Variants in LSAMP observed in about 807,000 individuals in gnomAD.
LSAMP encodes the protein limbic system-associated membrane protein.
LSAMP carries 7 observed loss-of-function variants against 38.6 expected under a neutral mutation model. The observed-to-expected ratio is 0.18, with a 90% CI of 0.10 to 0.34. The LOEUF is 0.34. Ranked by LOEUF, LSAMP falls within the 10% of genes least tolerant of loss-of-function variation. The probability of loss-of-function intolerance (pLI) is 1.00; values close to 1 mark genes in which losing one functional copy is unlikely to be tolerated. For synonymous variants in LSAMP, 154 were observed against 166.8 expected (o/e 0.92, Z 0.59); for missense variants, 313 against 420.0 (o/e 0.75, Z 2.23).
chr3:116,247,020 G>A (rs758123284), intron 1 of LSAMP, among the ~76,000 whole-genome samples: 5 of 152,070 alleles, frequency 3.3e-5, no homozygotes, highest in Non-Finnish European at 5.9e-5. Flanking sequence ...TAAAGACACG[G>A]TCAGGAGATG....
At chr3:115,894,840 T>C (rs1306899452) in intron 3 of LSAMP, among the ~76,000 whole-genome samples, 1 of 152,070 alleles carries the variant, frequency 6.6e-6, no homozygotes, top group African/African-American at 2.4e-5. Context: ...ACACATATTA[T>C]GCATATTACC....
chr3:116,265,390 T>C (rs564116033), intron 1 of LSAMP, among the ~76,000 whole-genome samples: 2 of 152,302 alleles, frequency 1.3e-5, no homozygotes, highest in East Asian at 3.9e-4. Flanking sequence ...TCATAGCAGA[T>C]TTACATCTAT....
At chr3:115,896,801 A>T (rs1936739876) in intron 3 of LSAMP, among the ~76,000 whole-genome samples, 1 of 152,130 alleles carries the variant, frequency 6.6e-6, no homozygotes, top group Non-Finnish European at 1.5e-5. Context: ...CCTCAGTGAA[A>T]GGACTTTCAA....
chr3:116,286,907 A>G (rs2047202603), intron 1 of LSAMP, among the ~76,000 whole-genome samples: 1 of 150,340 alleles, frequency 6.7e-6, no homozygotes, highest in Non-Finnish European at 1.5e-5. Flanking sequence ...AAAAAAAAAA[A>G]GGTAACTAGG....
chr3:116,068,873 GT>G (rs1347099453), intron 2 of LSAMP, among the ~76,000 whole-genome samples: 7 of 152,188 alleles, frequency 4.6e-5, no homozygotes, highest in Non-Finnish European at 7.3e-5. Flanking sequence ...GAAATAAGGT[GT>G]GTAATGAAAC....
At chr3:116,021,578 A>G (rs1019741978) in intron 2 of LSAMP, among the ~76,000 whole-genome samples, 41 of 152,212 alleles carry the variant, frequency 2.7e-4, no homozygotes, top group African/African-American at 9.7e-4. Context: ...AAAACCTATC[A>G]TAGAAAGCTA....
intron 3 of LSAMP, among the ~76,000 whole-genome samples, chr3:115,911,671 C>T (rs1937139343): frequency 6.6e-6 from 1 of 152,186 alleles, no homozygotes; most frequent in African/African-American, 2.4e-5. Flanking sequence ...GTGACCATAA[C>T]TCTCTCATTT....
At chr3:116,105,348 T>A (rs1299660611) in intron 1 of LSAMP, among the ~76,000 whole-genome samples, 1 of 152,168 alleles carries the variant, frequency 6.6e-6, no homozygotes, top group Admixed American at 6.5e-5. Context: ...GACTGCCAGA[T>A]ATGGTCACTT....
chr3:116,100,360 G>A (rs146765067), intron 1 of LSAMP, among the ~76,000 whole-genome samples: 5 of 152,128 alleles, frequency 3.3e-5, no homozygotes, highest in East Asian at 3.9e-4. Flanking sequence ...GATTACAAAC[G>A]TAAGCCACCA....
rs201229887 is a variant in LSAMP at position 116,263,537 on chromosome 3, CA to C, written c.156-176982del. On this transcript the variant is annotated intron_variant, in intron 1 of 6. Coordinates refer to ENST00000490035, the MANE Select transcript of LSAMP (RefSeq NM_002338.5). Reference sequence around the variant, plus strand: ...TGAGTGACAGAGTAAGACTTTGTCTCAAAAAAAAAAAAAAAAGATGAATATT... The same window carrying C: ...TGAGTGACAGAGTAAGACTTTGTCTCAAAAAAAAAAAAAAAGATGAATATT... Among the ~76,000 whole-genome samples, 647 of 111,904 alleles carry C rather than the reference CA, an allele frequency of 5.8e-3. 3 individuals are homozygous for C. Among genetic ancestry groups the C allele is most frequent in the African/African-American group, 6.5e-3 (197 of 30,346 alleles). The allele number at this position is 111,904 out of a possible 152,430, so 73.4% of individuals were successfully genotyped here. A position where few individuals can be genotyped will look rare whatever the true frequency, so the allele number is the denominator to read the frequency against.
chr3:116,407,473 T>A (rs576732404), intron 1 of LSAMP, among the ~76,000 whole-genome samples: 1 of 152,052 alleles, frequency 6.6e-6, no homozygotes, highest in Non-Finnish European at 1.5e-5. Flanking sequence ...TTCCCCCCTA[T>A]ACCCACCAGT....
intron 1 of LSAMP, among the ~76,000 whole-genome samples, chr3:116,349,102 T>C (rs2048103117): frequency 6.6e-6 from 1 of 152,068 alleles, no homozygotes; most frequent in East Asian, 1.9e-4. Flanking sequence ...AATAGGACTA[T>C]TGGGAAAATT....
At chr3:116,045,326 A>G (rs1175404417) in intron 2 of LSAMP, among the ~76,000 whole-genome samples, 3 of 152,140 alleles carry the variant, frequency 2.0e-5, no homozygotes, top group Non-Finnish European at 4.4e-5. Context: ...GGGGACAGGT[A>G]TTTATTTCCT....
In LSAMP at chr3:115,896,909, G is replaced by T. The variant is rs551235996; in HGVS notation, c.515-44292C>A. Among the ~76,000 whole-genome samples the T allele has an allele frequency of 5.4e-4, 82 of 152,164 alleles. 1 individual carries two copies. The highest frequency in any genetic ancestry group is 1.9e-3 in the African/African-American group (79 of 41,514). ...GGTTCCTAAGTTCCAATGTGCCCAT[G>T]CATGGAGAACTTCTTGTCCTCCTTG... is the stretch of plus-strand genomic sequence containing the variant. On this transcript the variant is annotated intron_variant, in intron 3 of 6. Transcript: ENST00000490035.
rs11356371 is a variant in LSAMP, at chr3:116,216,560, GAAAAA to G, written c.156-130009_156-130005del. 3.7e-3 allele frequency among the ~76,000 whole-genome samples: 533 copies of G among 142,566 alleles called. 2 individuals carry two copies. Among genetic ancestry groups the G allele is most frequent in the South Asian group, 0.014 (62 of 4,504 alleles). 93.5% of individuals were successfully genotyped at this position (142,566 alleles called of 152,430 possible). ...GGGAGGATCCAGAAGCAAAGAATGAGAAAAAAAAAAAGATTTTTGTAATAATATAA... is the reference window on the plus strand; with the variant it reads ...GGGAGGATCCAGAAGCAAAGAATGAGAAAAAAGATTTTTGTAATAATATAA... On this transcript the variant is annotated intron_variant, in intron 1 of 6. Transcript: ENST00000490035.
chr3:115,808,131 T>G lies in LSAMP; in HGVS notation c.*2186A>C, dbSNP rs866075268. 2.0e-5 allele frequency: 1 copy of G among 50,840 alleles called. No individual in the cohort carries two copies. Among genetic ancestry groups the G allele is most frequent in the Non-Finnish European group, 3.4e-5 (1 of 29,536 alleles). The allele number at this position is 50,840 out of a possible 1,614,324, so 3.1% of individuals were successfully genotyped here. On this transcript the variant is annotated 3_prime_UTR_variant, in exon 7 of 7. Transcript: ENST00000490035. The stretch of plus-strand genomic sequence containing the variant: ...CTTCCTCCCTCCCTCCCTCCCTCCC[T>G]CCCTCCCTCCCTCCCTCCCCCCCTT...
intron 1 of LSAMP, among the ~76,000 whole-genome samples, chr3:116,264,307 T>C (rs2046867730): frequency 6.6e-6 from 1 of 151,332 alleles, no homozygotes; most frequent in African/African-American, 2.4e-5. Flanking sequence ...TGGACTTTAT[T>C]TTGTTCCAAG....
chr3:116,234,624 A>G (rs971393182), intron 1 of LSAMP, among the ~76,000 whole-genome samples: 2 of 152,154 alleles, frequency 1.3e-5, no homozygotes, highest in Non-Finnish European at 2.9e-5. Flanking sequence ...AGAAAACTTA[A>G]AAAAAATTAA....
chr3:116,148,610 G>A (rs1367976592), intron 1 of LSAMP, among the ~76,000 whole-genome samples: 1 of 151,988 alleles, frequency 6.6e-6, no homozygotes, highest in Non-Finnish European at 1.5e-5. Flanking sequence ...AGTCCTGTGG[G>A]AAATTCATAG....
Sources: gnomAD v4.1 joint callset for allele counts (sites outside exome capture counted in the v4.1 genomes callset) on GRCh38, gnomAD v4.1.1 for gene constraint, MANE v1.5 for transcripts, NCBI Gene and HGNC (gene_info 2026-07-23, HGNC 2026-07-21) for gene names.